The following DENND5B variants were observed in gnomAD, a reference collection of about 807,000 sequenced individuals.
The protein encoded by DENND5B is DENN domain containing 5B.
In DENND5B, 34 loss-of-function variants were observed where a neutral mutation model predicts 140.6. The observed-to-expected ratio is 0.24, with a 90% CI of 0.18 to 0.32. The LOEUF (loss-of-function observed/expected upper bound fraction) is 0.32, where lower values mean the gene tolerates loss of function less well. Among genes scored for constraint, DENND5B ranks in the 10% least tolerant of loss-of-function variants. DENND5B has a pLI of 1.00. For missense variants in DENND5B, 1,142 were observed against 1,560.2 expected, an observed-to-expected ratio of 0.73 and a Z score of 4.52; for synonymous variants, 551 against 562.1, an observed-to-expected ratio of 0.98 and a Z score of 0.28.
chr12:31,561,349 C>T (rs542928092), intron 1 of DENND5B, among the ~76,000 whole-genome samples: 1 of 152,314 alleles, frequency 6.6e-6, no homozygotes, highest in East Asian at 1.9e-4. Context: ...CTAAGCCAAG[C>T]GTGGTGGCAC....
chr12:31,495,741 G>A, intron 2 of DENND5B, 69 bp downstream of exon 2: 1 of 1,145,818 alleles, frequency 8.7e-7, no homozygotes, highest in Non-Finnish European at 1.2e-6. Flanking sequence ...TCAAAATACA[G>A]TCACTACCTT....
At chr12:31,424,811 C>T in intron 9 of DENND5B, 124 bp from the exon 10 acceptor site, 9 of 1,276,754 alleles carry the variant, frequency 7.0e-6, no homozygotes, top group Non-Finnish European at 8.6e-6. Flanking sequence ...TTGTAATCAC[C>T]TTGGGAAAAA....
intron 1 of DENND5B, among the ~76,000 whole-genome samples, chr12:31,534,356 T>C (rs1440143079): frequency 1.3e-5 from 2 of 152,202 alleles, no homozygotes; most frequent in African/African-American, 4.8e-5. Flanking sequence ...TATTTTGTAT[T>C]TTTAGTAGAG....
At chr12:31,388,210 A>T (rs1335560930) in intron 20 of DENND5B, among the ~76,000 whole-genome samples, 1 of 145,200 alleles carries the variant, frequency 6.9e-6, no homozygotes, top group Middle Eastern at 3.7e-3. Flanking sequence ...AGACTACACT[A>T]AACTGTAGGG....
chr12:31,502,054 C>G (rs1021363542), intron 1 of DENND5B, among the ~76,000 whole-genome samples: 2 of 152,056 alleles, frequency 1.3e-5, no homozygotes, highest in Admixed American at 6.5e-5. Context: ...CAGTGGCTCA[C>G]GCCTGTAATC....
chr12:31,451,411 C>T (rs1030089801), intron 5 of DENND5B, among the ~76,000 whole-genome samples: 1 of 152,100 alleles, frequency 6.6e-6, no homozygotes, highest in Non-Finnish European at 1.5e-5. Context: ...GCAACCTCTG[C>T]CTCCCGGGTT....
intron 11 of DENND5B, among the ~76,000 whole-genome samples, chr12:31,422,791 G>C (rs1943087152): frequency 6.6e-6 from 1 of 152,022 alleles, no homozygotes; most frequent in Admixed American, 6.6e-5. Flanking sequence ...AGAACACTTA[G>C]CTTAAAAAAT....
chr12:31,391,589 T>C (rs186204563), intron 19 of DENND5B, among the ~76,000 whole-genome samples: 1 of 152,236 alleles, frequency 6.6e-6, no homozygotes, highest in Non-Finnish European at 1.5e-5. Flanking sequence ...ATTTGGAATA[T>C]TGTGCATATT....
At chr12:31,557,816 A>G (rs377499955) in intron 1 of DENND5B, among the ~76,000 whole-genome samples, 12 of 20,248 alleles carry the variant, frequency 5.9e-4, no homozygotes, top group African/African-American at 5.1e-3. Flanking sequence ...TGTGGTGGCA[A>G]AAAAAAAAAA....
rs114281573 is a variant in DENND5B at position 31,539,667 on chromosome 12, A to G, written c.128-43748T>C. Among the ~76,000 whole-genome samples the G allele has an allele frequency of 8.0e-3, 1,212 of 152,306 alleles. 8 individuals carry two copies. Among genetic ancestry groups the G allele is most frequent in the African/African-American group, 0.028 (1,167 of 41,570 alleles). On this transcript the variant is annotated intron_variant, in intron 1 of 20. Transcript: ENST00000389082. The stretch of plus-strand genomic sequence containing the variant: ...TCAATGGATGCTTAAAAAGCACTTG[A>G]TAACATTCAACATCCCTTCATAATA...
At chr12:31,585,469 C>T (rs1950365468) in intron 1 of DENND5B, among the ~76,000 whole-genome samples, 1 of 152,220 alleles carries the variant, frequency 6.6e-6, no homozygotes, top group African/African-American at 2.4e-5. Flanking sequence ...TTGACTATGA[C>T]ATTCAGTCTG....
chr12:31,417,453 A>G (rs936802953), intron 11 of DENND5B, among the ~76,000 whole-genome samples: 1 of 152,084 alleles, frequency 6.6e-6, no homozygotes, highest in Non-Finnish European at 1.5e-5. Context: ...CAGTAATTAC[A>G]GCATGCAAAG....
At chr12:31,434,003 G>A (rs1446399803) in intron 7 of DENND5B, among the ~76,000 whole-genome samples, 1 of 152,144 alleles carries the variant, frequency 6.6e-6, no homozygotes, top group Non-Finnish European at 1.5e-5. Flanking sequence ...AAGATAAATA[G>A]AAAGATTCAA....
At chr12:31,467,536 G>C (rs994964834) in intron 3 of DENND5B, among the ~76,000 whole-genome samples, 1 of 152,044 alleles carries the variant, frequency 6.6e-6, no homozygotes, top group African/African-American at 2.4e-5. Flanking sequence ...GCTATCAGGA[G>C]GCTGAGGCAG....
At chr12:31,577,493 G>A (rs188577640) in intron 1 of DENND5B, among the ~76,000 whole-genome samples, 5 of 151,210 alleles carry the variant, frequency 3.3e-5, no homozygotes, top group East Asian at 2.0e-4. Context: ...GGCAGATCAC[G>A]AGGTCAGGAG....
intron 1 of DENND5B, among the ~76,000 whole-genome samples, chr12:31,505,561 G>A (rs1411493843): frequency 6.6e-6 from 1 of 151,856 alleles, no homozygotes; most frequent in Non-Finnish European, 1.5e-5. Context: ...TTTAATGCAT[G>A]TTCTCCACCT....
intron 7 of DENND5B, among the ~76,000 whole-genome samples, chr12:31,436,674 A>G (rs1415972068): frequency 6.6e-6 from 1 of 151,950 alleles, no homozygotes; most frequent in Non-Finnish European, 1.5e-5. Flanking sequence ...AGCTGGGATT[A>G]CAGGCATGTG....
chr12:31,589,027 TTC>T (rs1288515957), intron 1 of DENND5B, among the ~76,000 whole-genome samples: 4 of 152,210 alleles, frequency 2.6e-5, no homozygotes, highest in Non-Finnish European at 5.9e-5. Flanking sequence ...GTTAACATCA[TTC>T]TCTCTGTGCC....
intron 13 of DENND5B, among the ~76,000 whole-genome samples, chr12:31,412,548 T>C (rs942514007): frequency 1.3e-4 from 20 of 152,222 alleles, no homozygotes; most frequent in African/African-American, 4.8e-4. Flanking sequence ...GAGAATCTAA[T>C]GCTGCTGATC....
Sources: gnomAD v4.1 joint callset for allele counts (sites outside exome capture counted in the v4.1 genomes callset) on GRCh38, gnomAD v4.1.1 for gene constraint, MANE v1.5 for transcripts, NCBI Gene and HGNC (gene_info 2026-07-23, HGNC 2026-07-21) for gene names.